The following GRIA3 variants were observed in gnomAD, a reference collection of about 807,000 sequenced individuals.
The protein encoded by GRIA3 is glutamate receptor 3.
GRIA3 carries 3 observed loss-of-function variants against 63.0 expected under a neutral mutation model. The observed-to-expected ratio is 0.05, with a 90% CI of 0.02 to 0.12. The LOEUF (loss-of-function observed/expected upper bound fraction) is 0.12, where lower values mean the gene tolerates loss of function less well. Ranked by LOEUF, GRIA3 falls within the 10% of genes least tolerant of loss-of-function variation. The pLI is 1.00. For missense variants in GRIA3, 347 were observed against 700.9 expected, an observed-to-expected ratio of 0.50 and a Z score of 5.70; for synonymous variants, 274 against 257.9, an observed-to-expected ratio of 1.06 and a Z score of -0.60.
chrX:123,392,985 T>G (rs1216248486), intron 5 of GRIA3, among the ~76,000 whole-genome samples: 2 of 112,482 alleles, frequency 1.8e-5, no homozygotes, highest in Non-Finnish European at 3.8e-5. Context: ...GCTGAATTTA[T>G]TACAGGGGGA....
intron 10 of GRIA3, among the ~76,000 whole-genome samples, chrX:123,409,077 G>C (rs2045492061): frequency 8.9e-6 from 1 of 111,769 alleles, no homozygotes; most frequent in Non-Finnish European, 1.9e-5. Context: ...TTTGCAAGTT[G>C]CTTTAAAAAA....
intron 2 of GRIA3, among the ~76,000 whole-genome samples, chrX:123,244,484 A>C (rs971625074): frequency 2.7e-5 from 3 of 112,763 alleles, no homozygotes; most frequent in Non-Finnish European, 5.6e-5. Flanking sequence ...GGCTTGGAAG[A>C]GTCCAGAATA....
chrX:123,363,890 C>T (rs1037300378), intron 5 of GRIA3, among the ~76,000 whole-genome samples: 1 of 112,012 alleles, frequency 8.9e-6, no homozygotes, highest in African/African-American at 3.2e-5. Flanking sequence ...AAACTTAGAA[C>T]GCAGAGAGTG....
chrX:123,241,981 A>G (rs1264132302), intron 2 of GRIA3, among the ~76,000 whole-genome samples: 1 of 111,499 alleles, frequency 9.0e-6, no homozygotes, highest in Non-Finnish European at 1.9e-5. Context: ...CATCAGAAGT[A>G]TTCAAGAGGG....
At chrX:123,252,419 CTTTG>C (rs1429825544) in intron 2 of GRIA3, among the ~76,000 whole-genome samples, 1 of 112,299 alleles carries the variant, frequency 8.9e-6, no homozygotes, top group Non-Finnish European at 1.9e-5. Flanking sequence ...ATCATTTCCA[CTTTG>C]TTTGTGAATG....
At chrX:123,187,565 C>T (rs1569394668) in intron 2 of GRIA3, among the ~76,000 whole-genome samples, 1 of 112,128 alleles carries the variant, frequency 8.9e-6, no homozygotes, top group Non-Finnish European at 1.9e-5. Context: ...GGCTGAATCT[C>T]AAATGCAGCT....
chrX:123,329,088 A>T (rs1452561186), intron 4 of GRIA3, among the ~76,000 whole-genome samples: 1 of 111,696 alleles, frequency 9.0e-6, no homozygotes, highest in Admixed American at 9.5e-5. Context: ...AATCAGTATT[A>T]AGTTCTCCCT....
chrX:123,447,684 T>C (rs1272768748), intron 12 of GRIA3, among the ~76,000 whole-genome samples: 1 of 112,326 alleles, frequency 8.9e-6, no homozygotes. Flanking sequence ...GCAGCATTTA[T>C]TTCTGTTTGG....
intron 3 of GRIA3, among the ~76,000 whole-genome samples, chrX:123,269,696 A>G (rs1170192273): frequency 8.9e-6 from 1 of 111,770 alleles, no homozygotes; most frequent in Non-Finnish European, 1.9e-5. Flanking sequence ...TGGAATCGCA[A>G]TACTGGTGAT....
intron 5 of GRIA3, among the ~76,000 whole-genome samples, chrX:123,367,859 T>C (rs1044151631): frequency 8.9e-6 from 1 of 112,282 alleles, no homozygotes; most frequent in African/African-American, 3.2e-5. Context: ...CTTAAGAACA[T>C]GAAACCAAAT....
At position 123,428,276 on chromosome X, in the gene GRIA3, C is replaced by T; in HGVS notation, c.2076+137C>T. 3 of 517,218 alleles carry T rather than the reference C, an allele frequency of 5.8e-6. No homozygotes were observed. In the South Asian group the frequency reaches 7.8e-5, roughly 13 times the overall value. The allele number at this position is 517,218 out of a possible 1,213,427, so 42.6% of individuals were successfully genotyped here. ...AAAGGAGAGCATCTTAAATACTGGG[C>T]TGCTTGGTTGGTGATCTACTCCATT... On this transcript the variant is annotated intron_variant, in intron 12 of 15. Transcript: ENST00000620443.
intron 2 of GRIA3, among the ~76,000 whole-genome samples, chrX:123,202,981 G>C (rs1168484878): frequency 8.9e-6 from 1 of 112,046 alleles, no homozygotes; most frequent in Non-Finnish European, 1.9e-5. Context: ...GTTGGTGCCA[G>C]CTGAAAATAT....
chrX:123,226,499 T>C (rs1409392325), intron 2 of GRIA3, among the ~76,000 whole-genome samples: 2 of 111,444 alleles, frequency 1.8e-5, no homozygotes, highest in African/African-American at 6.5e-5. Flanking sequence ...ACAGATGGTA[T>C]AATGGCCCAA....
chrX:123,352,598 A>T (rs1402116666), intron 4 of GRIA3, among the ~76,000 whole-genome samples: 2 of 111,883 alleles, frequency 1.8e-5, no homozygotes, highest in East Asian at 5.6e-4. Context: ...ACAAAAAAAC[A>T]CTAAACTCTG....
chrX:123,442,220 C>T (rs763611305), intron 12 of GRIA3, among the ~76,000 whole-genome samples: 1 of 112,133 alleles, frequency 8.9e-6, no homozygotes, highest in Non-Finnish European at 1.9e-5. Context: ...TGGAACTGCC[C>T]AAAGAGCAGA....
chrX:123,358,775 G>C (rs1315780463), intron 5 of GRIA3: 1 of 112,229 alleles, frequency 8.9e-6, no homozygotes, highest in Admixed American at 9.4e-5. Context: ...CAATCTGTCA[G>C]TCAAGCAGCC....
At chrX:123,293,235 G>T (rs756289846) in intron 3 of GRIA3, among the ~76,000 whole-genome samples, 1 of 110,764 alleles carries the variant, frequency 9.0e-6, no homozygotes, top group African/African-American at 3.3e-5. Flanking sequence ...ACCTATCTAT[G>T]CCAAGCTTAT....
intron 2 of GRIA3, among the ~76,000 whole-genome samples, chrX:123,238,744 C>CT (rs77919081): frequency 0.094 from 10,242 of 108,450 alleles, 705 homozygotes; most frequent in South Asian, 0.28. Flanking sequence ...TTCCTTTATT[C>CT]TTTTTTTTTC....
At chrX:123,367,068 G>A (rs2045214970) in intron 5 of GRIA3, among the ~76,000 whole-genome samples, 1 of 110,703 alleles carries the variant, frequency 9.0e-6, no homozygotes, top group Non-Finnish European at 1.9e-5. Context: ...ATATAAAAAG[G>A]CAAATAAAAA....
Sources: gnomAD v4.1 joint callset for allele counts (sites outside exome capture counted in the v4.1 genomes callset) on GRCh38, gnomAD v4.1.1 for gene constraint, MANE v1.5 for transcripts, NCBI Gene and HGNC (gene_info 2026-07-23, HGNC 2026-07-21) for gene names.